The following PSMD12 variants were observed in gnomAD, a reference collection of about 807,000 sequenced individuals.
The protein encoded by PSMD12 is proteasome 26S subunit, non-ATPase 12, also known as 26S proteasome non-ATPase regulatory subunit 12.
Under a neutral mutation model 62.9 loss-of-function variants are expected in PSMD12, and 8 were observed. That is an observed-to-expected ratio of 0.13 (90% CI 0.07 to 0.23). The LOEUF (loss-of-function observed/expected upper bound fraction) is 0.23. Among genes scored for constraint, PSMD12 ranks in the 10% least tolerant of loss-of-function variants. The probability of loss-of-function intolerance (pLI) is 1.00; values close to 1 mark genes in which losing one functional copy is unlikely to be tolerated. For missense variants in PSMD12, 424 were observed against 550.2 expected, an observed-to-expected ratio of 0.77 and a Z score of 2.29; for synonymous variants, 173 against 187.4, an observed-to-expected ratio of 0.92 and a Z score of 0.63.
chr17:67,361,887 AAAAAAAAAAAAAAAAAAAAAAAGG>A (rs1311960608), intron 1 of PSMD12, among the ~76,000 whole-genome samples: 5 of 129,368 alleles, frequency 3.9e-5, no homozygotes, highest in Non-Finnish European at 8.5e-5. Flanking sequence ...AAAAAAAAAA[AAAAAAAAAAAAAAAAAAAAAAAGG>A]AAGGAAGGAA....
chr17:67,355,969 TAC>T (rs59875246), intron 3 of PSMD12, among the ~76,000 whole-genome samples: 26,558 of 145,462 alleles, frequency 0.18, 2,690 homozygotes, highest in South Asian at 0.27. Flanking sequence ...CCCCCATTTC[TAC>T]ACACACACAC....
intron 1 of PSMD12, among the ~76,000 whole-genome samples, chr17:67,359,977 TA>T (rs559791211): frequency 7.3e-4 from 111 of 152,298 alleles, no homozygotes; most frequent in South Asian, 2.3e-3. Context: ...GACTGAGGAC[TA>T]AACAGCTTAA....
At chr17:67,364,690 T>C (rs1326277248) in intron 1 of PSMD12, among the ~76,000 whole-genome samples, 6 of 152,242 alleles carry the variant, frequency 3.9e-5, no homozygotes, top group East Asian at 3.8e-4. Context: ...TCTAGCTACA[T>C]TGTATTGGCT....
chr17:67,352,200 T>C (rs938644422), intron 3 of PSMD12, among the ~76,000 whole-genome samples: 2 of 152,150 alleles, frequency 1.3e-5, no homozygotes, highest in African/African-American at 4.8e-5. Flanking sequence ...TCATGTGATC[T>C]TCCCACCTCA....
At chr17:67,353,633 T>C (rs1567957349) in intron 3 of PSMD12, among the ~76,000 whole-genome samples, 1 of 152,128 alleles carries the variant, frequency 6.6e-6, no homozygotes, top group Non-Finnish European at 1.5e-5. Flanking sequence ...TAAAGCTACT[T>C]TCTAAGTCTG....
chr17:67,354,650 T>C (rs2042049948), intron 3 of PSMD12, among the ~76,000 whole-genome samples: 2 of 152,150 alleles, frequency 1.3e-5, no homozygotes, highest in South Asian at 4.1e-4. Flanking sequence ...GTTTGTCTAA[T>C]AATTGTCTCT....
rs552157501 is a variant in PSMD12 at position 67,340,652 on chromosome 17, T to C, written c.*191A>G. The C allele has an allele frequency of 1.5e-4, 68 of 459,560 alleles. No individual in the cohort carries two copies. Among genetic ancestry groups the C allele is most frequent in the African/African-American group, 1.2e-3 (59 of 49,104 alleles). The allele number at this position is 459,560 out of a possible 1,614,324, so 28.5% of individuals were successfully genotyped here. A position where few individuals can be genotyped will look rare whatever the true frequency, so the allele number is the denominator to read the frequency against. On this transcript the variant is annotated 3_prime_UTR_variant, in exon 11 of 11. Coordinates refer to ENST00000356126, the MANE Select transcript of PSMD12 (RefSeq NM_002816.5). ...TTCAGACGACAGAAATCTGTATTTT[T>C]GCACCAATTGCAAATGCAAAGTTAA...
chr17:67,352,511 T>C (rs948752127), intron 3 of PSMD12, among the ~76,000 whole-genome samples: 1 of 152,022 alleles, frequency 6.6e-6, no homozygotes, highest in Non-Finnish European at 1.5e-5. Context: ...AAGTTAATTA[T>C]AATAATAATT....
At chr17:67,352,391 T>C (rs1337251882) in intron 3 of PSMD12, among the ~76,000 whole-genome samples, 1 of 152,222 alleles carries the variant, frequency 6.6e-6, no homozygotes, top group African/African-American at 2.4e-5. Flanking sequence ...ACTGGCTATT[T>C]AGAGACCCAG....
intron 9 of PSMD12, among the ~76,000 whole-genome samples, chr17:67,343,230 C>T (rs892130817): frequency 1.3e-5 from 2 of 152,136 alleles, no homozygotes; most frequent in South Asian, 2.1e-4. Context: ...TCAGAAAGCA[C>T]GAGAAGCATT....
chr17:67,346,257 TGGGGGC>T (rs951125184), intron 7 of PSMD12, among the ~76,000 whole-genome samples: 1 of 151,526 alleles, frequency 6.6e-6, no homozygotes, highest in African/African-American at 2.4e-5. Context: ...TGGCCGGGCG[TGGGGGC>T]GGGTGCCTGT....
At chr17:67,365,885 C>T (rs1341479207) in intron 1 of PSMD12, among the ~76,000 whole-genome samples, 3 of 152,142 alleles carry the variant, frequency 2.0e-5, no homozygotes, top group Non-Finnish European at 4.4e-5. Flanking sequence ...CCCTCACCAC[C>T]ATGCATGACT....
chr17:67,362,429 T>C (rs1426796978), intron 1 of PSMD12, among the ~76,000 whole-genome samples: 1 of 151,932 alleles, frequency 6.6e-6, no homozygotes, highest in Non-Finnish European at 1.5e-5. Context: ...AATCCCAGCA[T>C]TCTGGGAGGC....
At position 67,357,414 on chromosome 17, in the gene PSMD12, C is replaced by T. The variant is rs149072682; in HGVS notation, c.186G>A (p.Ser62=). 3.5e-5 allele frequency: 56 copies of T among 1,613,418 alleles called. No homozygotes were observed. In the African/African-American group the frequency reaches 4.0e-4, roughly 12 times the overall value. ...KQTRTASDMV[S]TSRILVAVVK... ...CTACTGCAACTAAGATACGGGATGT[C>T]GATACCATATCGGAAGCCTGTAAGG... Residue 62 remains serine, a synonymous_variant, in exon 3 of 11, where the codon TCG becomes TCA. Coordinates refer to ENST00000356126, the MANE Select transcript of PSMD12 (RefSeq NM_002816.5).
intron 4 of PSMD12, among the ~76,000 whole-genome samples, chr17:67,349,056 G>A (rs372364275): frequency 2.0e-5 from 3 of 152,154 alleles, no homozygotes; most frequent in African/African-American, 7.2e-5. Flanking sequence ...TTTCGCTCTT[G>A]TTGCCCAGGC....
chr17:67,358,252 G>A (rs187960435), intron 1 of PSMD12, among the ~76,000 whole-genome samples: 1 of 152,150 alleles, frequency 6.6e-6, no homozygotes, highest in African/African-American at 2.4e-5. Context: ...ACTCTAAGTG[G>A]TAGTCACATG....
chr17:67,366,033 A>T (rs560460125), intron 1 of PSMD12, among the ~76,000 whole-genome samples: 82 of 152,304 alleles, frequency 5.4e-4, no homozygotes, highest in African/African-American at 1.9e-3. Context: ...TAACGACATA[A>T]ATTGATTGAG....
intron 9 of PSMD12, among the ~76,000 whole-genome samples, chr17:67,342,651 G>C (rs1289352089): frequency 6.6e-6 from 1 of 152,022 alleles, no homozygotes; most frequent in Non-Finnish European, 1.5e-5. Flanking sequence ...AATGATTGGA[G>C]ATCGATCGGG....
chr17:67,338,295 T>G lies in PSMD12; in HGVS notation c.*2548A>C, dbSNP rs1006978373. ...AGTGCTTCTTCTCCTGATTGCCAGCTTTAGGTCTGAAATGTAAAACAGGAT... is the reference window on the plus strand; with the variant it reads ...AGTGCTTCTTCTCCTGATTGCCAGCGTTAGGTCTGAAATGTAAAACAGGAT... On this transcript the variant is annotated 3_prime_UTR_variant, in exon 11 of 11. Coordinates refer to ENST00000356126, the MANE Select transcript of PSMD12 (RefSeq NM_002816.5). 6.6e-6 allele frequency: 1 copy of G among 152,232 alleles called. No homozygotes were observed. The highest frequency in any genetic ancestry group is 1.5e-5 in the Non-Finnish European group (1 of 68,044). 9.4% of individuals were successfully genotyped at this position (152,232 alleles called of 1,614,324 possible).
Sources: gnomAD v4.1 joint callset for allele counts (sites outside exome capture counted in the v4.1 genomes callset) on GRCh38, gnomAD v4.1.1 for gene constraint, MANE v1.5 for transcripts, NCBI Gene and HGNC (gene_info 2026-07-23, HGNC 2026-07-21) for gene names.